CA10: variants seen among roughly 807,000 people sequenced by gnomAD.
CA10 encodes the protein carbonic anhydrase 10 (inactive), also known as carbonic anhydrase-related protein 10.
A neutral mutation model predicts 44.2 loss-of-function variants in CA10; 14 were observed. That is an observed-to-expected ratio of 0.32 (90% CI 0.21 to 0.50). The LOEUF is 0.50. CA10 is among the 20% of genes least tolerant of loss of function. The probability of loss-of-function intolerance (pLI) is 0.99; values close to 1 mark genes in which losing one functional copy is unlikely to be tolerated. For missense variants in CA10, 350 were observed against 409.7 expected (o/e 0.85, Z 1.26); for synonymous variants, 159 against 141.6 (o/e 1.12, Z -0.87).
intron 3 of CA10, among the ~76,000 whole-genome samples, chr17:51,886,328 A>C (rs893590459): frequency 6.6e-6 from 1 of 152,204 alleles, no homozygotes; most frequent in African/African-American, 2.4e-5. Context: ...ATGTAATTGA[A>C]AAGTGCAATT....
At chr17:51,858,317 G>T (rs1289625782) in intron 3 of CA10, among the ~76,000 whole-genome samples, 2 of 152,110 alleles carry the variant, frequency 1.3e-5, no homozygotes, top group South Asian at 2.1e-4. Context: ...TACTGAGAAG[G>T]CATGGGTGCA....
At chr17:52,031,775 G>T (rs11657957) in intron 2 of CA10, among the ~76,000 whole-genome samples, 3 of 151,848 alleles carry the variant, frequency 2.0e-5, no homozygotes, top group Non-Finnish European at 2.9e-5. Context: ...CTCCCATTCC[G>T]CCAAATTTCC....
intron 1 of CA10, among the ~76,000 whole-genome samples, chr17:52,156,910 C>A (rs1304410675): frequency 6.6e-6 from 1 of 152,160 alleles, no homozygotes; most frequent in Non-Finnish European, 1.5e-5. Context: ...TTCCTCCCAA[C>A]CCCAATTCCC....
At chr17:51,822,472 C>A (rs1719546862) in intron 3 of CA10, among the ~76,000 whole-genome samples, 1 of 151,886 alleles carries the variant, frequency 6.6e-6, no homozygotes, top group Non-Finnish European at 1.5e-5. Flanking sequence ...AACAAAAAAA[C>A]CATCCTTGAC....
chr17:52,014,949 A>T (rs1295983957), intron 2 of CA10, among the ~76,000 whole-genome samples: 1 of 152,102 alleles, frequency 6.6e-6, no homozygotes. Context: ...TTTATACAAT[A>T]TAATCCTTAA....
At chr17:51,784,181 T>C (rs538867850) in intron 3 of CA10, among the ~76,000 whole-genome samples, 224 of 152,272 alleles carry the variant, frequency 1.5e-3, no homozygotes, top group Non-Finnish European at 2.1e-3. Flanking sequence ...CATTGTGAAC[T>C]CTGGGAGTTC....
At chr17:51,649,401 A>G in intron 5 of CA10, 147 bp from the exon 6 acceptor site, 1 of 666,964 alleles carries the variant, frequency 1.5e-6, no homozygotes, top group Non-Finnish European at 2.7e-6. Context: ...GAGCAAAGCC[A>G]GAGTCCCTAT....
intron 1 of CA10, among the ~76,000 whole-genome samples, chr17:52,123,531 A>C (rs2068528092): frequency 6.6e-6 from 1 of 152,216 alleles, no homozygotes; most frequent in South Asian, 2.1e-4. Context: ...CAACTGAAAG[A>C]GATCTGGTAG....
chr17:51,962,449 G>C (rs1250194426), intron 2 of CA10, among the ~76,000 whole-genome samples: 1 of 152,166 alleles, frequency 6.6e-6, no homozygotes, highest in Non-Finnish European at 1.5e-5. Flanking sequence ...TGAGGAGACA[G>C]CTCAGACAAC....
At chr17:51,753,208 T>C (rs532125891) in intron 3 of CA10, among the ~76,000 whole-genome samples, 1 of 152,312 alleles carries the variant, frequency 6.6e-6, no homozygotes, top group Admixed American at 6.5e-5. Flanking sequence ...AAGCAGGTAA[T>C]AGGTGCTCCA....
chr17:52,046,862 A>C (rs1986926375), intron 2 of CA10, among the ~76,000 whole-genome samples: 1 of 151,954 alleles, frequency 6.6e-6, no homozygotes, highest in Non-Finnish European at 1.5e-5. Flanking sequence ...TCATCCCAGA[A>C]ATAAAAGGTT....
Position 51,931,396 on chromosome 17 carries a change from T to A in CA10, c.137-264A>T, listed in dbSNP as rs550092856. On this transcript the variant is annotated intron_variant, in intron 2 of 8. Coordinates refer to ENST00000451037, the MANE Select transcript of CA10 (RefSeq NM_020178.5). ...GCAGTTTCTTTGTTGACTGCAGTCA[T>A]CATTAACACTTTAATGCTAACATCA... Among the ~76,000 whole-genome samples the A allele has an allele frequency of 2.0e-5, 3 of 152,272 alleles. No homozygotes were observed. The East Asian group carries it at 5.8e-4, about 29-fold the overall frequency.
At chr17:51,750,306 T>C (rs1239798306) in intron 3 of CA10, among the ~76,000 whole-genome samples, 2 of 151,996 alleles carry the variant, frequency 1.3e-5, no homozygotes, top group African/African-American at 2.4e-5. Context: ...TGAGATTTTA[T>C]ATATGTGCAT....
chr17:52,101,004 T>C (rs1988525445), intron 1 of CA10, among the ~76,000 whole-genome samples: 1 of 152,240 alleles, frequency 6.6e-6, no homozygotes, highest in South Asian at 2.1e-4. Context: ...TAAGGCTTAC[T>C]CTTTTTTGGT....
At chr17:51,772,620 A>G (rs899756770) in intron 3 of CA10, among the ~76,000 whole-genome samples, 6 of 152,096 alleles carry the variant, frequency 3.9e-5, no homozygotes, top group African/African-American at 1.4e-4. Context: ...GAAGGCCTAC[A>G]ATTGCCATGG....
chr17:52,122,691 T>C (rs1989037681), intron 1 of CA10, among the ~76,000 whole-genome samples: 1 of 152,164 alleles, frequency 6.6e-6, no homozygotes. Flanking sequence ...GGCCCCGGAA[T>C]TAGTACAAGT....
chr17:51,867,270 GA>G (rs1485769195), intron 3 of CA10, among the ~76,000 whole-genome samples: 2 of 152,108 alleles, frequency 1.3e-5, no homozygotes, highest in East Asian at 3.9e-4. Flanking sequence ...ATATTGAAAG[GA>G]AAAAGCATGA....
At chr17:51,697,985 G>T (rs1915458860) in intron 4 of CA10, among the ~76,000 whole-genome samples, 1 of 152,194 alleles carries the variant, frequency 6.6e-6, no homozygotes, top group Admixed American at 6.5e-5. Context: ...TTGGGGCCCA[G>T]GTGGCCATCT....
chr17:51,693,282 GGTTTTGGCTGGTT>G (rs1209940317), intron 4 of CA10, among the ~76,000 whole-genome samples: 1 of 152,086 alleles, frequency 6.6e-6, no homozygotes, highest in Non-Finnish European at 1.5e-5. Context: ...AGTTTTAGCT[GGTTTTGGCTGGTT>G]TAGAACAGTT....
Sources: allele counts gnomAD v4.1 joint callset (sites outside exome capture counted in the v4.1 genomes callset), GRCh38; gene constraint gnomAD v4.1.1; transcripts MANE v1.5; gene names NCBI Gene and HGNC (gene_info 2026-07-23, HGNC 2026-07-21).